The following STAG1 variants were observed in gnomAD, a reference collection of about 807,000 sequenced individuals.
The protein encoded by STAG1 is STAG1 cohesin complex component.
In STAG1, 26 loss-of-function variants were observed where a neutral mutation model predicts 170.9. The observed-to-expected ratio is 0.15, with a 90% CI of 0.11 to 0.21. The LOEUF is 0.21. STAG1 is among the 10% of genes least tolerant of loss of function. STAG1 has a pLI of 1.00. For missense variants in STAG1, 964 were observed against 1,509.5 expected, an observed-to-expected ratio of 0.64 and a Z score of 5.99; for synonymous variants, 514 against 497.7, an observed-to-expected ratio of 1.03 and a Z score of -0.44.
chr3:136,434,727 C>G (rs569531926), intron 15 of STAG1, among the ~76,000 whole-genome samples: 1 of 152,268 alleles, frequency 6.6e-6, no homozygotes, highest in East Asian at 1.9e-4. Context: ...TCAAAGATCT[C>G]TCTGTCCTGC....
At chr3:136,720,699 G>A (rs558334202) in intron 1 of STAG1, among the ~76,000 whole-genome samples, 1 of 152,044 alleles carries the variant, frequency 6.6e-6, no homozygotes, top group African/African-American at 2.4e-5. Flanking sequence ...TGAGGCAGGA[G>A]AATCACTAGA....
At chr3:136,542,699 A>G (rs1261823286) in intron 5 of STAG1, among the ~76,000 whole-genome samples, 1 of 151,746 alleles carries the variant, frequency 6.6e-6, no homozygotes. Flanking sequence ...AAGAAAGCCT[A>G]TATGCTCATA....
intron 22 of STAG1, among the ~76,000 whole-genome samples, chr3:136,386,559 T>A (rs140928729): frequency 6.6e-6 from 1 of 152,196 alleles, no homozygotes; most frequent in Non-Finnish European, 1.5e-5. Flanking sequence ...ATGATTACAG[T>A]CAGTGAGGAA....
At chr3:136,419,455 C>CT (rs1181578086) in intron 20 of STAG1, among the ~76,000 whole-genome samples, 67 of 147,678 alleles carry the variant, frequency 4.5e-4, no homozygotes, top group South Asian at 8.6e-4. Flanking sequence ...CGCACCCAGC[C>CT]TTTTTTTTTT....
chr3:136,382,612 T>C (rs1474731661), intron 22 of STAG1, among the ~76,000 whole-genome samples: 2 of 152,100 alleles, frequency 1.3e-5, no homozygotes, highest in African/African-American at 4.8e-5. Flanking sequence ...GGTTTCGCCA[T>C]GTTGACCAGG....
intron 1 of STAG1, among the ~76,000 whole-genome samples, chr3:136,743,290 C>T (rs960115172): frequency 6.6e-6 from 1 of 151,802 alleles, no homozygotes; most frequent in Non-Finnish European, 1.5e-5. Flanking sequence ...ATCAGTTGAA[C>T]CCAGGAGGCG....
chr3:136,702,079 G>GAGAGAA (rs1200357982), intron 1 of STAG1, among the ~76,000 whole-genome samples: 1 of 38,346 alleles, frequency 2.6e-5, no homozygotes, highest in African/African-American at 9.3e-5. Flanking sequence ...TGCCGAAAGA[G>GAGAGAA]AGAGAGAGAG....
chr3:136,571,844 A>G (rs1309504094), intron 4 of STAG1, among the ~76,000 whole-genome samples: 3 of 152,176 alleles, frequency 2.0e-5, no homozygotes, highest in African/African-American at 7.2e-5. Flanking sequence ...CCATGCTAAC[A>G]CACTCTCTCT....
intron 23 of STAG1, among the ~76,000 whole-genome samples, chr3:136,375,103 A>T (rs1937525142): frequency 6.6e-6 from 1 of 152,200 alleles, no homozygotes; most frequent in South Asian, 2.1e-4. Context: ...ATATACTCTT[A>T]TGATGGTCAT....
intron 7 of STAG1, among the ~76,000 whole-genome samples, chr3:136,520,801 T>C (rs1489629972): frequency 6.6e-6 from 1 of 152,124 alleles, no homozygotes; most frequent in Non-Finnish European, 1.5e-5. Flanking sequence ...TTGTTTCAAG[T>C]ATATAAACAA....
At chr3:136,686,707 A>G (rs1365863050) in intron 1 of STAG1, among the ~76,000 whole-genome samples, 1 of 152,226 alleles carries the variant, frequency 6.6e-6, no homozygotes, top group African/African-American at 2.4e-5. Context: ...GATGTATTTG[A>G]TGAACTTGTT....
intron 1 of STAG1, among the ~76,000 whole-genome samples, chr3:136,649,479 AAAAAACAAAAAC>A (rs1274158186): frequency 2.7e-5 from 4 of 150,634 alleles, no homozygotes; most frequent in Admixed American, 6.6e-5. Flanking sequence ...ACTCCATCTC[AAAAAACAAAAAC>A]AAAAACAGAA....
intron 21 of STAG1, among the ~76,000 whole-genome samples, chr3:136,402,182 A>C (rs540824547): frequency 4.6e-5 from 7 of 152,230 alleles, no homozygotes; most frequent in African/African-American, 1.7e-4. Context: ...TGCAGGAACT[A>C]GTTGAGAGTT....
intron 6 of STAG1, among the ~76,000 whole-genome samples, chr3:136,540,713 T>C (rs886863726): frequency 1.9e-4 from 29 of 149,924 alleles, no homozygotes; most frequent in African/African-American, 6.6e-4. Context: ...TCCCAGCTAC[T>C]TGGGAGGCTG....
At chr3:136,434,519 CCTTT>C (rs1345384270) in intron 15 of STAG1, among the ~76,000 whole-genome samples, 1 of 152,140 alleles carries the variant, frequency 6.6e-6, no homozygotes, top group Non-Finnish European at 1.5e-5. Flanking sequence ...CTACTATTCA[CCTTT>C]CTTATCAATC....
At chr3:136,668,315 TATATATTATACATGATATATACC>T (rs1273096762) in intron 1 of STAG1, among the ~76,000 whole-genome samples, 1 of 145,662 alleles carries the variant, frequency 6.9e-6, no homozygotes, top group East Asian at 2.0e-4. Context: ...ATACATGACA[TATATATTATACATGATATATACC>T]ATATATTATA....
intron 2 of STAG1, among the ~76,000 whole-genome samples, chr3:136,623,566 A>G (rs1939959955): frequency 6.6e-6 from 1 of 152,218 alleles, no homozygotes; most frequent in Non-Finnish European, 1.5e-5. Context: ...AGGCTTAGGA[A>G]TATTTTTATT....
At chr3:136,349,415 C>A (rs937523912) in intron 28 of STAG1, 52 bp from the exon 29 acceptor site, 5 of 1,396,954 alleles carry the variant, frequency 3.6e-6, no homozygotes, top group Non-Finnish European at 5.1e-6. Context: ...GTTCATACAT[C>A]ACTTACTTTT....
chr3:136,461,996 A>G (rs996610218), intron 13 of STAG1, among the ~76,000 whole-genome samples: 8 of 152,158 alleles, frequency 5.3e-5, no homozygotes, highest in Admixed American at 2.0e-4. Flanking sequence ...TCACAATGAG[A>G]TATCATCTTA....
Sources: allele counts gnomAD v4.1 joint callset (sites outside exome capture counted in the v4.1 genomes callset), GRCh38; gene constraint gnomAD v4.1.1; transcripts MANE v1.5; gene names NCBI Gene and HGNC (gene_info 2026-07-23, HGNC 2026-07-21).